Variants in USP25 observed in about 807,000 individuals in gnomAD.
USP25 encodes ubiquitin specific peptidase 25.
In USP25, 85 loss-of-function variants were observed where a neutral mutation model predicts 158.5. That is an observed-to-expected ratio of 0.54 (90% CI 0.45 to 0.64). The LOEUF (loss-of-function observed/expected upper bound fraction) is 0.64. USP25 is among the 30% of genes least tolerant of loss of function. The pLI, the probability that USP25 is intolerant of heterozygous loss-of-function variation, is 0.00. For synonymous variants in USP25, 464 were observed against 460.4 expected (o/e 1.01, Z -0.10); for missense variants, 1,242 against 1,327.3 (o/e 0.94, Z 1.00).
chr21:15,764,142 G>A (rs1244615046), intron 2 of USP25, among the ~76,000 whole-genome samples: 1 of 152,044 alleles, frequency 6.6e-6, no homozygotes, highest in African/African-American at 2.4e-5. Flanking sequence ...AAGCAGAAGT[G>A]CTATACCTCA....
At chr21:15,870,212 C>T (rs1357690347) in intron 23 of USP25, 65 bp downstream of exon 23, 1 of 1,076,346 alleles carries the variant, frequency 9.3e-7, no homozygotes, top group African/African-American at 1.6e-5. Flanking sequence ...TCAGGTGTGA[C>T]CTCATCCATG....
At chr21:15,820,120 T>A (rs1373920546) in intron 10 of USP25, among the ~76,000 whole-genome samples, 13 of 151,998 alleles carry the variant, frequency 8.6e-5, no homozygotes, top group Admixed American at 8.5e-4. Context: ...GGGAAACAGA[T>A]CTCTTAAGAG....
chr21:15,794,671 G>A (rs1351421501), intron 5 of USP25, among the ~76,000 whole-genome samples: 1 of 151,116 alleles, frequency 6.6e-6, no homozygotes, highest in Non-Finnish European at 1.5e-5. Flanking sequence ...TAGATCTGTT[G>A]GCACCTGTCA....
At chr21:15,740,261 A>G (rs980724305) in intron 1 of USP25, among the ~76,000 whole-genome samples, 1 of 152,252 alleles carries the variant, frequency 6.6e-6, no homozygotes, top group Non-Finnish European at 1.5e-5. Context: ...TTTGAGGATC[A>G]CTGGTTGAAG....
In USP25 at chr21:15,805,249, C is replaced by T. The variant is rs1465968125; in HGVS notation, c.771C>T (p.Asp257=). The T allele has an allele frequency of 3.1e-6, 5 of 1,600,046 alleles. No homozygotes were observed. The highest frequency in any genetic ancestry group is 1.8e-5 in the Admixed American group (1 of 57,014). The change falls in exon 7 of 26, where the codon GAC becomes GAT. Residue 257 remains aspartate, a synonymous_variant. Transcript: ENST00000400183. ...EILKDAFKSN[D]SQQQDVSEFT... ...TTAAGGATGCTTTCAAATCAAATGA[C>T]TCACAGCAGGTAGTTCTGTTGCACT...
intron 14 of USP25, among the ~76,000 whole-genome samples, chr21:15,829,038 A>G (rs527290939): frequency 6.6e-6 from 1 of 152,230 alleles, no homozygotes; most frequent in South Asian, 2.1e-4. Flanking sequence ...AGTTAGCATT[A>G]TTTTGTAAAC....
rs988104528 is a variant in USP25, at chr21:15,826,662, A to G, written c.1466+297A>G. ...GCATTTTATGATCCATAAAAATAGT[A>G]CTATCAAATTAGAATTTGTTTCTGT... On this transcript the variant is annotated intron_variant, in intron 13 of 25. Coordinates refer to ENST00000400183, the MANE Select transcript of USP25 (RefSeq NM_001283041.3). The surrounding 1 kb of genome is among the most constrained non-coding windows in gnomAD (Gnocchi z 4.8). Among the ~76,000 whole-genome samples the G allele has an allele frequency of 1.3e-5, 2 of 152,220 alleles. No homozygotes were observed. Among genetic ancestry groups the G allele is most frequent in the African/African-American group, 4.8e-5 (2 of 41,458 alleles).
At chr21:15,861,509 A>T (rs1010853907) in intron 20 of USP25, among the ~76,000 whole-genome samples, 6 of 152,130 alleles carry the variant, frequency 3.9e-5, no homozygotes, top group Non-Finnish European at 7.4e-5. Context: ...CTAGAACAGG[A>T]TTCTGAGGAG....
chr21:15,744,431 T>TTA (rs1345880317), intron 1 of USP25: 1 of 151,752 alleles, frequency 6.6e-6, no homozygotes, highest in African/African-American at 2.4e-5. Flanking sequence ...GTTCAAGTGA[T>TTA]TGTCATGCCT....
chr21:15,781,849 G>T (rs532364423), intron 4 of USP25, among the ~76,000 whole-genome samples: 1 of 152,276 alleles, frequency 6.6e-6, no homozygotes, highest in African/African-American at 2.4e-5. Flanking sequence ...TGCTGAAAGT[G>T]CATGTGGCTA....
chr21:15,760,174 A>G (rs2033643069), intron 1 of USP25, among the ~76,000 whole-genome samples: 2 of 152,192 alleles, frequency 1.3e-5, no homozygotes, highest in African/African-American at 4.8e-5. Flanking sequence ...CTTTGCAGCT[A>G]TGAGTGGCCA....
At chr21:15,857,508 G>T (rs1427945289) in intron 20 of USP25, among the ~76,000 whole-genome samples, 1 of 151,904 alleles carries the variant, frequency 6.6e-6, no homozygotes, top group East Asian at 1.9e-4. Flanking sequence ...TTTGATCTTT[G>T]TGAGGGTCAG....
chr21:15,739,455 GGGTGTGGT>G (rs968523379), intron 1 of USP25, among the ~76,000 whole-genome samples: 1 of 152,108 alleles, frequency 6.6e-6, no homozygotes, highest in Non-Finnish European at 1.5e-5. Context: ...TAGGTATCCT[GGGTGTGGT>G]GGTGGAGGGG....
chr21:15,842,370 A>G lies in USP25; in HGVS notation c.2195-28A>G, dbSNP rs183489577. The G allele has an allele frequency of 1.6e-5, 26 of 1,608,754 alleles. No individual in the cohort carries two copies. The African/African-American group carries it at 2.1e-4, about 13-fold the overall frequency. On this transcript the variant is annotated intron_variant, in intron 17 of 25. Transcript: ENST00000400183. Reference sequence around the variant, plus strand: ...GTATAGACTCTGTGGTTTATATTAGATATATAATTGATTCTTTTCTCATGA... The same window carrying G: ...GTATAGACTCTGTGGTTTATATTAGGTATATAATTGATTCTTTTCTCATGA...
At chr21:15,830,403 T>G (rs2037739400) in intron 14 of USP25, 128 bp from the exon 15 acceptor site, 1 of 659,232 alleles carries the variant, frequency 1.5e-6, no homozygotes, top group Non-Finnish European at 2.5e-6. Context: ...AATGGTAATG[T>G]TTTTTAAGAA....
At chr21:15,775,720 C>T (rs1365117790) in intron 3 of USP25, among the ~76,000 whole-genome samples, 3 of 126,396 alleles carry the variant, frequency 2.4e-5, no homozygotes, top group Non-Finnish European at 4.8e-5. Context: ...CAGCCAAAGG[C>T]AACAGGATAA....
intron 1 of USP25, among the ~76,000 whole-genome samples, chr21:15,757,364 C>A (rs1387886949): frequency 6.6e-6 from 1 of 152,116 alleles, no homozygotes; most frequent in Non-Finnish European, 1.5e-5. Flanking sequence ...TTCATTGTTT[C>A]ATTTTCAGTC....
At chr21:15,798,603 A>C (rs746972367) in intron 5 of USP25, among the ~76,000 whole-genome samples, 3 of 151,240 alleles carry the variant, frequency 2.0e-5, no homozygotes, top group Admixed American at 1.3e-4. Context: ...CTACCTTCTT[A>C]GTGTCTGGCA....
At chr21:15,755,301 T>A (rs969274385) in intron 1 of USP25, among the ~76,000 whole-genome samples, 3 of 152,160 alleles carry the variant, frequency 2.0e-5, no homozygotes, top group Non-Finnish European at 4.4e-5. Context: ...ATTTGGAAAT[T>A]TAGCTGAAGG....
Sources: gnomAD v4.1 joint callset for allele counts (sites outside exome capture counted in the v4.1 genomes callset) on GRCh38, gnomAD v4.1.1 for gene constraint, Gnocchi (gnomAD v3.1) non-coding constraint, MANE v1.5 for transcripts, NCBI Gene and HGNC (gene_info 2026-07-23, HGNC 2026-07-21) for gene names.